The following ANKFN1 variants were observed in gnomAD, a reference collection of about 807,000 sequenced individuals.
The protein encoded by ANKFN1 is ankyrin repeat and fibronectin type III domain containing 1.
In ANKFN1, 74 loss-of-function variants were observed where a neutral mutation model predicts 108.7. That is an observed-to-expected ratio of 0.68 (90% CI 0.56 to 0.83). The LOEUF is 0.83. Ranked by LOEUF, ANKFN1 falls within the 40% of genes least tolerant of loss-of-function variation. The pLI is 0.00. For missense variants in ANKFN1, 1,505 were observed against 1,382.3 expected (o/e 1.09, Z -1.41); for synonymous variants, 547 against 516.2 (o/e 1.06, Z -0.81).
chr17:56,187,949 G>C (rs1567825263), intron 1 of ANKFN1, among the ~76,000 whole-genome samples: 1 of 151,798 alleles, frequency 6.6e-6, no homozygotes, highest in Non-Finnish European at 1.5e-5. Flanking sequence ...GGGGGTGGGG[G>C]AGGGCTAGCA....
chr17:56,297,064 G>A (rs2044533321), intron 3 of ANKFN1, among the ~76,000 whole-genome samples: 1 of 152,184 alleles, frequency 6.6e-6, no homozygotes, highest in Admixed American at 6.5e-5. Context: ...GACAGTGTGA[G>A]ACAATGAATG....
At chr17:56,302,093 A>G (rs2044685433) in intron 3 of ANKFN1, among the ~76,000 whole-genome samples, 1 of 152,144 alleles carries the variant, frequency 6.6e-6, no homozygotes, top group African/African-American at 2.4e-5. Context: ...CATTCTCCCT[A>G]TTTTACAGAT....
chr17:56,283,538 T>TATATATATATATATATA (rs1263196279), intron 3 of ANKFN1, among the ~76,000 whole-genome samples: 11 of 150,138 alleles, frequency 7.3e-5, no homozygotes, highest in African/African-American at 1.8e-4. Flanking sequence ...TATATATATA[T>TATATATATATATATATA]GATGGAATAC....
chr17:56,326,372 G>A lies in ANKFN1; in HGVS notation c.188+17G>A. On this transcript the variant is annotated intron_variant, in intron 4 of 20. Transcript: ENST00000682825. ...CATAAACTGGTAAGTCAAATTTACT[G>A]TTGTCTTTCTTCATGTGAATATGGA... 6.2e-7 allele frequency: 1 copy of A among 1,602,844 alleles called. No individual in the cohort carries two copies. The highest frequency in any genetic ancestry group is 8.5e-7 in the Non-Finnish European group (1 of 1,176,032).
chr17:56,460,505 TTCTCCTTCCCCACAC>T (rs908643015), intron 14 of ANKFN1, among the ~76,000 whole-genome samples: 10 of 151,842 alleles, frequency 6.6e-5, no homozygotes, highest in Admixed American at 1.3e-4. Context: ...CCCACATCCC[TTCTCCTTCCCCACAC>T]TCTCCTTCCC....
chr17:56,148,125 T>A (rs1281108784), intron 4 of ANKFN1, among the ~76,000 whole-genome samples: 2 of 152,180 alleles, frequency 1.3e-5, no homozygotes, highest in South Asian at 2.1e-4. Flanking sequence ...TTCTTGTAGC[T>A]CTAAGATTTT....
At chr17:56,055,091 G>A (rs1027515551) in intron 4 of ANKFN1, among the ~76,000 whole-genome samples, 2 of 151,666 alleles carry the variant, frequency 1.3e-5, no homozygotes, top group African/African-American at 4.8e-5. Context: ...TTTGATTCAG[G>A]GGGTGCATGT....
intron 4 of ANKFN1, among the ~76,000 whole-genome samples, chr17:56,104,461 G>A (rs181042619): frequency 5.9e-4 from 90 of 152,296 alleles, no homozygotes; most frequent in Non-Finnish European, 7.6e-4. Flanking sequence ...ATGGAACCTA[G>A]GTCCCATCAG....
At chr17:56,333,986 A>G (rs1180128368) in intron 4 of ANKFN1, among the ~76,000 whole-genome samples, 3 of 152,140 alleles carry the variant, frequency 2.0e-5, no homozygotes, top group Non-Finnish European at 4.4e-5. Flanking sequence ...ATTAAGGAAG[A>G]AAATGATACA....
At chr17:56,130,041 C>T (rs892180032) in intron 4 of ANKFN1, among the ~76,000 whole-genome samples, 4 of 152,176 alleles carry the variant, frequency 2.6e-5, no homozygotes, top group African/African-American at 7.2e-5. Flanking sequence ...AGATTAGAGC[C>T]GTCCCAGGGC....
chr17:56,101,807 A>C (rs925106412), intron 4 of ANKFN1, among the ~76,000 whole-genome samples: 1 of 152,198 alleles, frequency 6.6e-6, no homozygotes, highest in African/African-American at 2.4e-5. Context: ...AGTCTCTTGC[A>C]TCAGAATACC....
chr17:56,314,895 AT>A (rs139113283), intron 3 of ANKFN1, among the ~76,000 whole-genome samples: 2,234 of 152,128 alleles, frequency 0.015, 57 homozygotes, highest in African/African-American at 0.05. Flanking sequence ...AAGCAACATA[AT>A]TTTTTTTAAT....
At chr17:56,393,039 TC>T (rs2047484371) in intron 8 of ANKFN1, among the ~76,000 whole-genome samples, 1 of 152,172 alleles carries the variant, frequency 6.6e-6, no homozygotes, top group African/African-American at 2.4e-5. Context: ...GTCATTTTGT[TC>T]CAGGCTATAA....
intron 15 of ANKFN1, among the ~76,000 whole-genome samples, chr17:56,474,241 C>T (rs2050423635): frequency 6.6e-6 from 1 of 152,180 alleles, no homozygotes; most frequent in South Asian, 2.1e-4. Flanking sequence ...TTCACCATCT[C>T]CATTATCTAC....
intron 2 of ANKFN1, among the ~76,000 whole-genome samples, chr17:56,226,955 CTAT>C (rs1916322220): frequency 6.6e-6 from 1 of 152,092 alleles, no homozygotes; most frequent in South Asian, 2.1e-4. Flanking sequence ...CCAAATCACA[CTAT>C]TATTAAGAAA....
chr17:56,434,314 C>A (rs774559758), intron 8 of ANKFN1, among the ~76,000 whole-genome samples: 1 of 150,446 alleles, frequency 6.6e-6, no homozygotes, highest in Non-Finnish European at 1.5e-5. Flanking sequence ...TGAATCTAGC[C>A]TTCTGATTCC....
intron 3 of ANKFN1, among the ~76,000 whole-genome samples, chr17:56,319,166 G>A (rs979439874): frequency 5.3e-5 from 8 of 152,132 alleles, no homozygotes; most frequent in South Asian, 2.1e-4. Flanking sequence ...CAACGAAACC[G>A]TTTTGACTTG....
intron 6 of ANKFN1, among the ~76,000 whole-genome samples, chr17:56,364,419 G>A (rs949235454): frequency 5.9e-5 from 9 of 152,060 alleles, no homozygotes; most frequent in Non-Finnish European, 1.2e-4. Flanking sequence ...TAAAATTAAT[G>A]CAACCTATTT....
At chr17:56,168,787 G>C (rs1161953655) in intron 1 of ANKFN1, among the ~76,000 whole-genome samples, 1 of 152,084 alleles carries the variant, frequency 6.6e-6, no homozygotes, top group Non-Finnish European at 1.5e-5. Flanking sequence ...GTTTCATATA[G>C]GTGCTAATGA....
Sources: gnomAD v4.1 joint callset for allele counts (sites outside exome capture counted in the v4.1 genomes callset) on GRCh38, gnomAD v4.1.1 for gene constraint, MANE v1.5 for transcripts, NCBI Gene and HGNC (gene_info 2026-07-23, HGNC 2026-07-21) for gene names.